ZAN: variants seen among roughly 807,000 people sequenced by gnomAD.
ZAN encodes zonadhesin (gene/pseudogene).
In ZAN, 260 loss-of-function variants were observed where a neutral mutation model predicts 286.2. That is an observed-to-expected ratio of 0.91 (90% CI 0.82 to 1.01). The LOEUF (loss-of-function observed/expected upper bound fraction) is 1.01. Ranked by LOEUF, ZAN falls within the 50% of genes least tolerant of loss-of-function variation. The probability of loss-of-function intolerance (pLI) is 0.00; values close to 1 mark genes in which losing one functional copy is unlikely to be tolerated. For missense variants in ZAN, 3,410 were observed against 3,639.2 expected (o/e 0.94, Z 1.62); for synonymous variants, 1,368 against 1,417.5 (o/e 0.97, Z 0.79).
intron 33 of ZAN, 96 bp downstream of exon 33, chr7:100,775,929 C>A: frequency 2.0e-6 from 3 of 1,479,946 alleles, no homozygotes; most frequent in South Asian, 1.3e-5. Context: ...CGTGCCTGCC[C>A]AAAGAGGCCA....
At chr7:100,788,951 G>T (rs1038874158) in intron 38 of ZAN, among the ~76,000 whole-genome samples, 1 of 152,048 alleles carries the variant, frequency 6.6e-6, no homozygotes, top group East Asian at 1.9e-4. Flanking sequence ...CGCCCGACTC[G>T]GCCTCCCAAA....
chr7:100,773,640 T>C, intron 30 of ZAN, 81 bp from the exon 31 acceptor site: 1 of 1,553,872 alleles, frequency 6.4e-7, no homozygotes. Context: ...GGGCAGATGC[T>C]GCACCCAGCT....
rs1809477465 is a variant in ZAN, at chr7:100,760,434, G to T, written c.3740G>T (p.Gly1247Val). ...QVTLPAIPSK[G>V]VFLGASGRFV... ...ACTCTCCCAGCCATACCCTCTAAAG[G>T]CGTCTTCCTGGGTGCAAGCGGGCGG... Residue 1247 changes from glycine to valine, a missense_variant, in exon 19 of 48, where the codon GGC (glycine) becomes GTC (valine). Transcript: ENST00000613979. 1.1e-5 allele frequency: 18 copies of T among 1,613,886 alleles called. No homozygotes were observed. The highest frequency in any genetic ancestry group is 1.6e-4 in the Middle Eastern group (1 of 6,062).
chr7:100,777,282 C>T (rs2116191840), intron 34 of ZAN, among the ~76,000 whole-genome samples: 1 of 151,898 alleles, frequency 6.6e-6, no homozygotes, highest in Non-Finnish European at 1.5e-5. Context: ...TGACCTCAGG[C>T]AATGTGGCCG....
rs754473596 is a variant in ZAN at position 100,772,034 on chromosome 7, C to T, written c.5425+14C>T. On this transcript the variant is annotated intron_variant, in intron 29 of 47. Transcript: ENST00000613979. Reference sequence around the variant, plus strand: ...GAACCTTCTGCCGTGAGTGACTGGCCACCTGTTCCCACAGCCCATAGGCAC... The same window carrying T: ...GAACCTTCTGCCGTGAGTGACTGGCTACCTGTTCCCACAGCCCATAGGCAC... 1.3e-6 allele frequency: 2 copies of T among 1,578,146 alleles called. No homozygotes were observed. The highest frequency in any genetic ancestry group is 1.3e-5 in the African/African-American group (1 of 74,400).
intron 28 of ZAN, 83 bp downstream of exon 28, chr7:100,770,057 A>G: frequency 7.4e-7 from 1 of 1,343,396 alleles, no homozygotes; most frequent in Non-Finnish European, 1.0e-6. Flanking sequence ...GGGAGAAACA[A>G]CAAGACCAGA....
At chr7:100,781,353 A>T (rs1021718501) in intron 35 of ZAN, among the ~76,000 whole-genome samples, 5 of 152,172 alleles carry the variant, frequency 3.3e-5, no homozygotes, top group Admixed American at 1.3e-4. Flanking sequence ...GACGTGAGAC[A>T]TCTCAACCGG....
At chr7:100,748,807 T>C (rs1808410711) in intron 11 of ZAN, among the ~76,000 whole-genome samples, 2 of 152,002 alleles carry the variant, frequency 1.3e-5, no homozygotes, top group Non-Finnish European at 2.9e-5. Context: ...GACGGGAAGA[T>C]TGCTTGAGCC....
At chr7:100,792,742 C>A (rs1342049376) in intron 42 of ZAN, among the ~76,000 whole-genome samples, 1 of 152,092 alleles carries the variant, frequency 6.6e-6, no homozygotes, top group Non-Finnish European at 1.5e-5. Flanking sequence ...AGCCTCCCAA[C>A]CCCATCCCGC....
At chr7:100,756,732 T>C (rs571927818) in intron 15 of ZAN, among the ~76,000 whole-genome samples, 4 of 151,866 alleles carry the variant, frequency 2.6e-5, no homozygotes, top group Non-Finnish European at 5.9e-5. Flanking sequence ...TCACTCACAG[T>C]TCTCTATTGA....
intron 24 of ZAN, 88 bp from the exon 25 acceptor site, chr7:100,766,922 A>G: frequency 6.4e-7 from 1 of 1,570,744 alleles, no homozygotes; most frequent in Non-Finnish European, 8.6e-7. Context: ...GGACCATGCC[A>G]ATGTGGGCTC....
chr7:100,792,882 C>T (rs953351377), intron 42 of ZAN, among the ~76,000 whole-genome samples: 1 of 150,446 alleles, frequency 6.6e-6, no homozygotes, highest in Non-Finnish European at 1.5e-5. Flanking sequence ...GAGGTTGAGG[C>T]TGGAGGATGG....
Position 100,751,810 on chromosome 7 carries a change from A to G in ZAN, c.1705A>G (p.Lys569Glu). The change falls in exon 14 of 48, where the codon AAA (lysine) becomes GAA (glutamate). Residue 569 changes from lysine (K) to glutamate (E), a missense_variant. This residue lies in a region of ZAN where 872 missense variants were observed against 938.9 expected (regional missense o/e 0.93). Coordinates refer to ENST00000613979, the MANE Select transcript of ZAN (RefSeq NM_003386.3). ...LTENPTISTKKPTVSIEKPSV... is the reference protein window; with the variant it reads ...LTENPTISTKEPTVSIEKPSV... ...AGAAAACCCTACAATCTCCACCAAG[A>G]AACCTACAGTTTCCATAGAAAAACC... 1 of 1,613,644 alleles carries G rather than the reference A, an allele frequency of 6.2e-7. No individual in the cohort carries two copies. Among genetic ancestry groups the G allele is most frequent in the Non-Finnish European group, 8.5e-7 (1 of 1,179,816 alleles).
At chr7:100,784,130 C>CTTT (rs35784170) in intron 35 of ZAN, among the ~76,000 whole-genome samples, 2 of 119,134 alleles carry the variant, frequency 1.7e-5, no homozygotes, top group Non-Finnish European at 3.5e-5. Context: ...ATTCTTGTTC[C>CTTT]TTTTTTTTTT....
intron 15 of ZAN, among the ~76,000 whole-genome samples, 160 bp from the exon 16 acceptor site, chr7:100,758,042 C>T (rs1809271342): frequency 6.6e-6 from 1 of 150,692 alleles, no homozygotes; most frequent in African/African-American, 2.4e-5. Flanking sequence ...GCCATGATTG[C>T]GCCACTGCAC....
chr7:100,796,993 C>T (rs1240068128), intron 45 of ZAN, among the ~76,000 whole-genome samples: 3 of 152,018 alleles, frequency 2.0e-5, no homozygotes, highest in East Asian at 1.9e-4. Flanking sequence ...GAAAATTAAC[C>T]GGGTGTGGTG....
chr7:100,753,140 T>C lies in ZAN; in HGVS notation c.3035T>C (p.Leu1012Pro). The C allele has an allele frequency of 1.9e-6, 3 of 1,613,678 alleles. No homozygotes were observed. The highest frequency in any genetic ancestry group is 2.5e-6 in the Non-Finnish European group (3 of 1,179,814). The change falls in exon 14 of 48, where the codon CTG becomes CCG. Residue 1012 changes from leucine (L) to proline (P), a missense_variant. Physicochemically the swap from Leu to Pro is moderately conservative, Grantham distance 98. This residue lies in a region of ZAN where 1,042 missense variants were observed against 1,058.0 expected (regional missense o/e 0.98). Transcript: ENST00000613979. ...PPHPSPTATG[L>P]AALVMSPHAP... ...CATCCCAGCCCCACAGCCACTGGGC[T>C]GGCAGCCTTGGTGATGTCTCCACAT...
intron 35 of ZAN, among the ~76,000 whole-genome samples, chr7:100,783,799 T>TACACAC (rs753582447): frequency 3.0e-5 from 1 of 33,636 alleles, no homozygotes; most frequent in African/African-American, 6.3e-5. Context: ...TATATATATA[T>TACACAC]ACACACATAT....
intron 14 of ZAN, among the ~76,000 whole-genome samples, chr7:100,754,201 G>A: frequency 6.6e-6 from 1 of 152,108 alleles, no homozygotes. Flanking sequence ...GCTCACGCCT[G>A]TAATCCCAAC....
Sources: gnomAD v4.1 joint callset for allele counts (sites outside exome capture counted in the v4.1 genomes callset) on GRCh38, gnomAD v4.1.1 for gene constraint, gnomAD v4.1.1 regional missense constraint, MANE v1.5 for transcripts, NCBI Gene and HGNC (gene_info 2026-07-23, HGNC 2026-07-21) for gene names.